Variants in FRMD6 observed in about 807,000 individuals in gnomAD.
The protein encoded by FRMD6 is FERM domain-containing protein 6.
Under a neutral mutation model 73.2 loss-of-function variants are expected in FRMD6, and 37 were observed. The ratio of observed to expected loss-of-function variants is 0.51; its 90% CI spans 0.39 to 0.66. The LOEUF (loss-of-function observed/expected upper bound fraction) is 0.66, where lower values mean the gene tolerates loss of function less well. Among genes scored for constraint, FRMD6 ranks in the 30% least tolerant of loss-of-function variants. The pLI is 0.00. For synonymous variants in FRMD6, 273 were observed against 282.2 expected (o/e 0.97, Z 0.33); for missense variants, 714 against 780.5 (o/e 0.91, Z 1.02).
intron 7 of FRMD6, among the ~76,000 whole-genome samples, chr14:51,711,086 A>G (rs773661967): frequency 1.3e-5 from 2 of 152,180 alleles, no homozygotes; most frequent in Admixed American, 1.3e-4. Context: ...TTAAACATAT[A>G]AAGTCTTATG....
At chr14:51,612,039 T>C (rs926902201) in intron 2 of FRMD6, among the ~76,000 whole-genome samples, 2 of 152,210 alleles carry the variant, frequency 1.3e-5, no homozygotes, top group Non-Finnish European at 2.9e-5. Flanking sequence ...GAGGTGATCT[T>C]TTTCTTCTAT....
chr14:51,419,990 T>C, the FRMD6 span, among the ~76,000 whole-genome samples: 1 of 132,460 alleles, frequency 7.5e-6, no homozygotes, highest in Admixed American at 7.6e-5. Flanking sequence ...GTCATGTGAC[T>C]TCCTGCCCTC....
At chr14:51,433,095 T>G in the FRMD6 span, among the ~76,000 whole-genome samples, 1 of 152,246 alleles carries the variant, frequency 6.6e-6, no homozygotes, top group African/African-American at 2.4e-5. Context: ...TCTGGTAGGA[T>G]GTCAAGCTGG....
the FRMD6 span, among the ~76,000 whole-genome samples, chr14:51,459,855 CATACAGCTGACTTAAAA>C: frequency 8.7e-6 from 1 of 115,374 alleles, no homozygotes; most frequent in African/African-American, 3.3e-5. Context: ...AAAGCTGACG[CATACAGCTGACTTAAAA>C]TTACTGACTC....
chr14:51,633,348 T>C (rs1485008307), intron 2 of FRMD6, among the ~76,000 whole-genome samples: 1 of 151,580 alleles, frequency 6.6e-6, no homozygotes, highest in Non-Finnish European at 1.5e-5. Flanking sequence ...ATGCCTGTAG[T>C]CCCAGCACTT....
intron 1 of FRMD6, among the ~76,000 whole-genome samples, chr14:51,540,194 G>C (rs1044664939): frequency 6.6e-6 from 1 of 152,046 alleles, no homozygotes; most frequent in Non-Finnish European, 1.5e-5. Context: ...ACTAGCTCAG[G>C]GGCCAAAAAA....
intron 2 of FRMD6, among the ~76,000 whole-genome samples, chr14:51,581,793 A>G (rs1438549875): frequency 6.6e-6 from 1 of 152,024 alleles, no homozygotes; most frequent in Non-Finnish European, 1.5e-5. Flanking sequence ...AAAGAACTTT[A>G]TGTTTCATTC....
chr14:51,537,186 T>TA (rs1885948572), intron 1 of FRMD6, among the ~76,000 whole-genome samples: 2 of 152,236 alleles, frequency 1.3e-5, no homozygotes, highest in Non-Finnish European at 2.9e-5. Context: ...CTATTCTTCC[T>TA]TTCTCTCAGA....
the FRMD6 span, among the ~76,000 whole-genome samples, chr14:51,480,627 G>T: frequency 6.6e-6 from 1 of 152,088 alleles, no homozygotes; most frequent in African/African-American, 2.4e-5. Context: ...TTGATTAGGG[G>T]AGTCTTATGT....
intron 1 of FRMD6, among the ~76,000 whole-genome samples, chr14:51,560,146 A>G (rs1234026896): frequency 6.6e-6 from 1 of 152,170 alleles, no homozygotes; most frequent in African/African-American, 2.4e-5. Context: ...ATCCATATTG[A>G]TCTATACTTT....
chr14:51,440,686 A>AAG, the FRMD6 span, among the ~76,000 whole-genome samples: 10 of 151,600 alleles, frequency 6.6e-5, no homozygotes, highest in African/African-American at 1.2e-4. Flanking sequence ...TACTTGCTTA[A>AAG]AGAGAGAGAG....
intron 1 of FRMD6, among the ~76,000 whole-genome samples, chr14:51,532,144 G>A (rs533714029): frequency 9.9e-4 from 150 of 152,014 alleles, no homozygotes; most frequent in Non-Finnish European, 1.8e-3. Flanking sequence ...CGAGGTGGGC[G>A]GATCACGAGG....
chr14:51,511,870 T>TATAATAATAATAATA (rs147559656), intron 1 of FRMD6, among the ~76,000 whole-genome samples: 184 of 150,304 alleles, frequency 1.2e-3, no homozygotes, highest in African/African-American at 4.3e-3. Flanking sequence ...GAACTTAAAG[T>TATAATAATAATAATA]ATAATAATAA....
the FRMD6 span, among the ~76,000 whole-genome samples, chr14:51,425,328 C>T: frequency 2.0e-5 from 3 of 152,100 alleles, no homozygotes; most frequent in Non-Finnish European, 4.4e-5. Flanking sequence ...CTGAGGATTC[C>T]CAGGACTGAC....
intron 11 of FRMD6, 138 bp downstream of exon 11, chr14:51,720,528 A>G (rs947506700): frequency 5.4e-5 from 40 of 734,900 alleles, no homozygotes; most frequent in Admixed American, 4.1e-4. Context: ...GTCTTCCCCA[A>G]TGACTTGGTT....
chr14:51,598,500 T>A (rs1308767243), intron 2 of FRMD6, among the ~76,000 whole-genome samples: 1 of 152,174 alleles, frequency 6.6e-6, no homozygotes, highest in Non-Finnish European at 1.5e-5. Context: ...ATATGAATGA[T>A]CCCATCACCC....
chr14:51,463,499 G>A, the FRMD6 span, among the ~76,000 whole-genome samples: 1 of 152,168 alleles, frequency 6.6e-6, no homozygotes, highest in Non-Finnish European at 1.5e-5. Flanking sequence ...TAAATCCATG[G>A]ATTCAGAACC....
chr14:51,682,924 G>T (rs889976480), intron 1 of FRMD6, among the ~76,000 whole-genome samples: 1 of 152,076 alleles, frequency 6.6e-6, no homozygotes, highest in Non-Finnish European at 1.5e-5. Context: ...GCCAGGGTGG[G>T]GACAACACAC....
chr14:51,706,974 T>G (rs1896659841), intron 6 of FRMD6, among the ~76,000 whole-genome samples: 1 of 152,128 alleles, frequency 6.6e-6, no homozygotes, highest in South Asian at 2.1e-4. Flanking sequence ...CATCAGGTGC[T>G]CATTGAATAT....
Sources: gnomAD v4.1 joint callset for allele counts (sites outside exome capture counted in the v4.1 genomes callset) on GRCh38, gnomAD v4.1.1 for gene constraint, MANE v1.5 for transcripts, NCBI Gene and HGNC (gene_info 2026-07-23, HGNC 2026-07-21) for gene names.